The following CACNA2D3 variants were observed in gnomAD, a reference collection of about 807,000 sequenced individuals.
CACNA2D3 encodes the protein voltage-dependent calcium channel subunit alpha-2/delta-3.
CACNA2D3 carries 60 observed loss-of-function variants against 160.6 expected under a neutral mutation model. The observed-to-expected ratio is 0.37, with a 90% CI of 0.30 to 0.46. The LOEUF (loss-of-function observed/expected upper bound fraction) is 0.46. Among genes scored for constraint, CACNA2D3 ranks in the 20% least tolerant of loss-of-function variants. CACNA2D3 has a pLI of 1.00. For missense variants in CACNA2D3, 1,205 were observed against 1,365.0 expected (o/e 0.88, Z 1.85); for synonymous variants, 558 against 492.9 (o/e 1.13, Z -1.75).
chr3:54,386,019 G>A (rs752951864), intron 3 of CACNA2D3: 1 of 490,828 alleles, frequency 2.0e-6, no homozygotes, highest in Non-Finnish European at 4.0e-6. Flanking sequence ...GATTTTGATT[G>A]TTGACTAATT....
At chr3:54,363,313 A>G (rs951287116) in intron 3 of CACNA2D3, among the ~76,000 whole-genome samples, 29 of 152,146 alleles carry the variant, frequency 1.9e-4, no homozygotes, top group Admixed American at 5.2e-4. Context: ...AAAAAAACCA[A>G]AAGCTGGCCC....
intron 2 of CACNA2D3, among the ~76,000 whole-genome samples, chr3:54,281,369 C>G (rs1377797702): frequency 2.0e-5 from 3 of 152,108 alleles, no homozygotes; most frequent in African/African-American, 7.2e-5. Context: ...TGCCGAAAAA[C>G]ACAAGGCTAC....
At chr3:54,739,452 A>C (rs997171775) in intron 11 of CACNA2D3, among the ~76,000 whole-genome samples, 4 of 147,078 alleles carry the variant, frequency 2.7e-5, no homozygotes, top group Admixed American at 2.0e-4. Flanking sequence ...CAAAAAAAAA[A>C]ACCACACACA....
At chr3:54,174,826 G>A (rs1236274903) in intron 2 of CACNA2D3, among the ~76,000 whole-genome samples, 1 of 152,142 alleles carries the variant, frequency 6.6e-6, no homozygotes, top group African/African-American at 2.4e-5. Flanking sequence ...TGCCTGGCCT[G>A]AAGTTGGACT....
intron 4 of CACNA2D3, among the ~76,000 whole-genome samples, chr3:54,411,047 G>T (rs569149481): frequency 6.6e-6 from 1 of 152,316 alleles, no homozygotes; most frequent in South Asian, 2.1e-4. Context: ...GGTAGAAATA[G>T]CAAGAGGACT....
intron 5 of CACNA2D3, among the ~76,000 whole-genome samples, chr3:54,550,742 G>A (rs925399690): frequency 6.6e-6 from 1 of 152,264 alleles, no homozygotes; most frequent in African/African-American, 2.4e-5. Flanking sequence ...TTTCCCCGTG[G>A]TATAGTGATT....
At chr3:54,182,717 GA>G in intron 2 of CACNA2D3, among the ~76,000 whole-genome samples, 1 of 152,258 alleles carries the variant, frequency 6.6e-6, no homozygotes, top group South Asian at 2.1e-4. Context: ...TGGTGGTTGG[GA>G]AAGTGGGCCC....
At chr3:55,052,068 G>A (rs1009743183) in intron 35 of CACNA2D3, among the ~76,000 whole-genome samples, 2 of 152,132 alleles carry the variant, frequency 1.3e-5, no homozygotes, top group South Asian at 2.1e-4. Flanking sequence ...TGTCTTCTGC[G>A]TTGCTCACTC....
rs530183282 is a variant in CACNA2D3, at chr3:54,287,124, C to G, written c.205-33318C>G. Among the ~76,000 whole-genome samples, 5 of 151,976 alleles carry G rather than the reference C, an allele frequency of 3.3e-5. No homozygotes were observed. In the South Asian group the frequency reaches 1.0e-3, roughly 32 times the overall value. On this transcript the variant is annotated intron_variant, in intron 2 of 37. Transcript: ENST00000474759. ...GACTAAATGCTCCAATTAAAAGACA[C>G]AGACTGGCAAATTGGATAAAGAGTC...
intron 23 of CACNA2D3, among the ~76,000 whole-genome samples, chr3:54,886,676 A>G (rs551025796): frequency 2.8e-4 from 43 of 152,070 alleles, no homozygotes; most frequent in African/African-American, 9.1e-4. Context: ...AATATGTAGC[A>G]TTAATTTTAT....
Position 54,122,767 on chromosome 3 carries a change from C to T in CACNA2D3, c.54C>T (p.Leu18=). The change falls in exon 1 of 38, where the codon CTC becomes CTT. Residue 18 remains leucine, a synonymous_variant. Coordinates refer to ENST00000474759, the MANE Select transcript of CACNA2D3 (RefSeq NM_018398.3). ...CGTCCCGGGGGGCCTCGGCGCTTCT[C>T]GCTGCCGCGCTTCTCTACGCCGCGC... is the stretch of plus-strand genomic sequence containing the variant. ...RRASRGASAL[L]AAALLYAALG... 2 of 1,226,474 alleles carry T rather than the reference C, an allele frequency of 1.6e-6. No homozygotes were observed. The highest frequency in any genetic ancestry group is 2.0e-6 in the Non-Finnish European group (2 of 981,082). The allele number at this position is 1,226,474 out of a possible 1,614,324, so 76.0% of individuals were successfully genotyped here.
rs146953298 is a variant in CACNA2D3 at position 54,800,393 on chromosome 3, A to C, written c.1381-16460A>C. Among the ~76,000 whole-genome samples, 242 of 152,320 alleles carry C rather than the reference A, an allele frequency of 1.6e-3. 1 individual carries two copies. Among genetic ancestry groups the C allele is most frequent in the African/African-American group, 5.6e-3 (233 of 41,578 alleles). The stretch of plus-strand genomic sequence containing the variant: ...CTCACAGAGAACTGGCAGAACCTCC[A>C]GCTCCCCCACATTACCAAAACTCCA... On this transcript the variant is annotated intron_variant, in intron 13 of 37. Coordinates refer to ENST00000474759, the MANE Select transcript of CACNA2D3 (RefSeq NM_018398.3).
intron 3 of CACNA2D3, among the ~76,000 whole-genome samples, chr3:54,384,131 C>CT (rs1209718724): frequency 6.6e-6 from 1 of 151,922 alleles, no homozygotes; most frequent in Non-Finnish European, 1.5e-5. Flanking sequence ...CAATTCTTTA[C>CT]TTTTTTTCAG....
At chr3:54,423,061 G>C (rs1273268060) in intron 4 of CACNA2D3, among the ~76,000 whole-genome samples, 1 of 152,140 alleles carries the variant, frequency 6.6e-6, no homozygotes, top group African/African-American at 2.4e-5. Flanking sequence ...GCAGGATTCA[G>C]AATTATTTGT....
Position 54,880,786 on chromosome 3 carries a change from C to G in CACNA2D3, c.1845-10C>G, listed in dbSNP as rs747634699. On this transcript the variant is annotated splice_polypyrimidine_tract_variant and intron_variant, in intron 20 of 37. Coordinates refer to ENST00000474759, the MANE Select transcript of CACNA2D3 (RefSeq NM_018398.3). ...AGGGATTTCAAGATTTGCTTTGTCT[C>G]TCTGCACAGTTTAGGTGTGGCGCTT... 3.7e-6 allele frequency: 6 copies of G among 1,612,292 alleles called. No individual in the cohort carries two copies. The highest frequency in any genetic ancestry group is 5.1e-6 in the Non-Finnish European group (6 of 1,178,452).
chr3:55,041,173 C>G (rs1225442711), intron 35 of CACNA2D3, among the ~76,000 whole-genome samples: 1 of 152,156 alleles, frequency 6.6e-6, no homozygotes, highest in Non-Finnish European at 1.5e-5. Context: ...CTTGCTCAGT[C>G]TCCTACTCAT....
At chr3:54,259,984 T>C (rs1264392089) in intron 2 of CACNA2D3, among the ~76,000 whole-genome samples, 5 of 152,200 alleles carry the variant, frequency 3.3e-5, no homozygotes, top group South Asian at 2.1e-4. Context: ...TCCTCCTCCT[T>C]CTCCTTGGGA....
chr3:54,672,368 T>G (rs1319612856), intron 11 of CACNA2D3, among the ~76,000 whole-genome samples: 2 of 152,156 alleles, frequency 1.3e-5, no homozygotes, highest in Non-Finnish European at 2.9e-5. Flanking sequence ...GGGTCTGAGT[T>G]CAGTGCCCCA....
chr3:54,835,192 C>G (rs998790379), intron 14 of CACNA2D3, among the ~76,000 whole-genome samples: 1 of 152,114 alleles, frequency 6.6e-6, no homozygotes, highest in Admixed American at 6.6e-5. Context: ...TCTTGATATC[C>G]ATGTAAAACT....
Sources: allele counts gnomAD v4.1 joint callset (sites outside exome capture counted in the v4.1 genomes callset), GRCh38; gene constraint gnomAD v4.1.1; transcripts MANE v1.5; gene names NCBI Gene and HGNC (gene_info 2026-07-23, HGNC 2026-07-21).